Variants in RAB2A observed in about 807,000 individuals in gnomAD.
RAB2A encodes RAB2A, member RAS oncogene family.
In RAB2A, 7 loss-of-function variants were observed where a neutral mutation model predicts 32.5. The observed-to-expected ratio is 0.22, with a 90% CI of 0.12 to 0.40. The LOEUF is 0.40. RAB2A is among the 10% of genes least tolerant of loss of function. The probability of loss-of-function intolerance (pLI) is 1.00; values close to 1 mark genes in which losing one functional copy is unlikely to be tolerated. For synonymous variants in RAB2A, 79 were observed against 85.2 expected (o/e 0.93, Z 0.40); for missense variants, 108 against 260.7 (o/e 0.41, Z 4.03).
chr8:60,593,732 A>C (rs942796046), intron 6 of RAB2A, among the ~76,000 whole-genome samples: 2 of 152,176 alleles, frequency 1.3e-5, no homozygotes, highest in African/African-American at 4.8e-5. Context: ...AAATTGAATG[A>C]AAAAAAGATA....
At chr8:60,542,398 C>A (rs756037142) in intron 1 of RAB2A, among the ~76,000 whole-genome samples, 1 of 152,094 alleles carries the variant, frequency 6.6e-6, no homozygotes, top group African/African-American at 2.4e-5. Context: ...GCCTGTAGTC[C>A]CAGCTACTTG....
chr8:60,620,618 ATTAG>A (rs1804511664), intron 7 of RAB2A, 52 bp from the exon 8 acceptor site: 8 of 1,262,770 alleles, frequency 6.3e-6, no homozygotes, highest in Middle Eastern at 2.2e-4. Flanking sequence ...TTTTTTAAGA[ATTAG>A]TTAAACTATA....
intron 6 of RAB2A, among the ~76,000 whole-genome samples, chr8:60,604,821 T>A (rs1249227780): frequency 1.3e-5 from 2 of 152,122 alleles, no homozygotes; most frequent in African/African-American, 2.4e-5. Context: ...TAGACTTAAA[T>A]GGGAAGCAGA....
intron 1 of RAB2A, among the ~76,000 whole-genome samples, chr8:60,526,727 T>G (rs1361100628): frequency 1.3e-5 from 2 of 152,126 alleles, no homozygotes; most frequent in South Asian, 4.1e-4. Flanking sequence ...CCTAGCACTT[T>G]GGAGGCTGAG....
intron 3 of RAB2A, among the ~76,000 whole-genome samples, chr8:60,575,089 G>T (rs200713252): frequency 3.3e-5 from 4 of 123,070 alleles, no homozygotes; most frequent in Non-Finnish European, 6.4e-5. Context: ...TTGTTTTTTT[G>T]GGGGTTTTTT....
At chr8:60,600,001 T>C (rs1168423286) in intron 6 of RAB2A, among the ~76,000 whole-genome samples, 1 of 150,326 alleles carries the variant, frequency 6.7e-6, no homozygotes, top group African/African-American at 2.4e-5. Flanking sequence ...ATACCAGGTA[T>C]CCAACAAAAG....
At chr8:60,529,474 T>C (rs1246364813) in intron 1 of RAB2A, among the ~76,000 whole-genome samples, 3 of 152,218 alleles carry the variant, frequency 2.0e-5, no homozygotes, top group African/African-American at 7.2e-5. Context: ...GGGGGCTAAT[T>C]TGTAAGGTAT....
intron 5 of RAB2A, among the ~76,000 whole-genome samples, chr8:60,590,227 C>T (rs909572985): frequency 3.4e-5 from 5 of 148,800 alleles, no homozygotes; most frequent in African/African-American, 7.8e-5. Flanking sequence ...CCCAAAGTGC[C>T]GTAATTACAG....
At chr8:60,538,935 T>C (rs1017238404) in intron 1 of RAB2A, among the ~76,000 whole-genome samples, 4 of 152,252 alleles carry the variant, frequency 2.6e-5, no homozygotes, top group Admixed American at 2.6e-4. Context: ...ATGATACAGA[T>C]ACAATTCTAA....
intron 1 of RAB2A, among the ~76,000 whole-genome samples, chr8:60,537,613 C>G (rs1242950693): frequency 1.3e-5 from 2 of 152,192 alleles, no homozygotes; most frequent in Non-Finnish European, 2.9e-5. Context: ...AACATCACAC[C>G]AGAGGACCTC....
intron 6 of RAB2A, among the ~76,000 whole-genome samples, chr8:60,600,181 T>C (rs1804109711): frequency 6.6e-6 from 1 of 152,080 alleles, no homozygotes; most frequent in African/African-American, 2.4e-5. Context: ...TTGACATCAG[T>C]AGCCATTAGG....
chr8:60,586,226 A>G (rs1432851312), intron 5 of RAB2A, among the ~76,000 whole-genome samples: 1 of 152,110 alleles, frequency 6.6e-6, no homozygotes, highest in Non-Finnish European at 1.5e-5. Flanking sequence ...ACTTGAGCCC[A>G]GTTGAGGCTG....
At chr8:60,521,643 G>A (rs1807303979) in intron 1 of RAB2A, among the ~76,000 whole-genome samples, 2 of 152,030 alleles carry the variant, frequency 1.3e-5, no homozygotes, top group Admixed American at 1.3e-4. Context: ...TTTTTGAGAT[G>A]GAGTTTTGCT....
intron 1 of RAB2A, among the ~76,000 whole-genome samples, chr8:60,546,341 A>G (rs1376166589): frequency 6.6e-6 from 1 of 152,214 alleles, no homozygotes; most frequent in Non-Finnish European, 1.5e-5. Context: ...TTGAGGTGCA[A>G]GACTTGACCA....
chr8:60,608,538 CCTTCTCTCTCTCCTCT>C (rs1804279661), intron 6 of RAB2A, among the ~76,000 whole-genome samples: 2 of 137,634 alleles, frequency 1.5e-5, no homozygotes, highest in Admixed American at 7.0e-5. Flanking sequence ...TCCTTCTCCT[CCTTCTCTCTCTCCTCT>C]CTCTCCTTCT....
At chr8:60,522,288 A>G (rs575360360) in intron 1 of RAB2A, among the ~76,000 whole-genome samples, 11 of 152,336 alleles carry the variant, frequency 7.2e-5, no homozygotes, top group African/African-American at 1.4e-4. Flanking sequence ...GTGCTTTGAC[A>G]CAGTGTTTGA....
At chr8:60,542,079 C>T (rs1228224675) in intron 1 of RAB2A, among the ~76,000 whole-genome samples, 4 of 152,094 alleles carry the variant, frequency 2.6e-5, no homozygotes, top group African/African-American at 7.2e-5. Flanking sequence ...TAATAAAAAT[C>T]AGGAGAATAC....
At chr8:60,588,876 T>A (rs1166056680) in intron 5 of RAB2A, among the ~76,000 whole-genome samples, 1 of 152,232 alleles carries the variant, frequency 6.6e-6, no homozygotes, top group Admixed American at 6.5e-5. Flanking sequence ...AAATTGAGAT[T>A]TGCTATTAAG....
chr8:60,565,168 C>G (rs1347186525), intron 2 of RAB2A, among the ~76,000 whole-genome samples: 4 of 152,054 alleles, frequency 2.6e-5, no homozygotes, highest in Non-Finnish European at 5.9e-5. Context: ...CCTATAATCC[C>G]AACACTTTGG....
Sources: gnomAD v4.1 joint callset for allele counts (sites outside exome capture counted in the v4.1 genomes callset) on GRCh38, gnomAD v4.1.1 for gene constraint, MANE v1.5 for transcripts, NCBI Gene and HGNC (gene_info 2026-07-23, HGNC 2026-07-21) for gene names.